The following WDR89 variants were observed in gnomAD, a reference collection of about 807,000 sequenced individuals.
WDR89 encodes WD repeat-containing protein 89.
A neutral mutation model predicts 29.1 loss-of-function variants in WDR89; 17 were observed. The ratio of observed to expected loss-of-function variants is 0.58; its 90% confidence interval spans 0.40 to 0.88. WDR89 has a LOEUF of 0.88. Ranked by LOEUF, WDR89 falls within the 40% of genes least tolerant of loss-of-function variation. The probability of loss-of-function intolerance (pLI) is 0.00; values close to 1 mark genes in which losing one functional copy is unlikely to be tolerated. For missense variants in WDR89, 396 were observed against 456.3 expected (o/e 0.87, Z 1.20); for synonymous variants, 138 against 157.8 (o/e 0.87, Z 0.94).
At chr14:63,624,664 C>T (rs1566797582) in intron 2 of WDR89, among the ~76,000 whole-genome samples, 2 of 151,970 alleles carry the variant, frequency 1.3e-5, no homozygotes, top group Admixed American at 6.6e-5. Flanking sequence ...AATATTTGAA[C>T]AGACACTTCA....
chr14:63,610,231 A>AC (rs1306809418), intron 2 of WDR89, among the ~76,000 whole-genome samples: 1 of 151,090 alleles, frequency 6.6e-6, no homozygotes, highest in Non-Finnish European at 1.5e-5. Context: ...AAAAAAAAAA[A>AC]AAAAAAAAAA....
chr14:63,608,666 G>GCACACACACACACACA (rs57605983), intron 2 of WDR89, among the ~76,000 whole-genome samples: 41 of 144,752 alleles, frequency 2.8e-4, no homozygotes, highest in South Asian at 1.3e-3. Context: ...TGTGGTGCAT[G>GCACACACACACACACA]CACACACACA....
At chr14:63,614,307 TTTTC>T (rs1171812516) in intron 2 of WDR89, among the ~76,000 whole-genome samples, 27 of 151,546 alleles carry the variant, frequency 1.8e-4, no homozygotes, top group Non-Finnish European at 8.8e-5. Flanking sequence ...TCTTTTCTTT[TTTTC>T]TTTTTTTTTT....
chr14:63,598,720 TA>T lies in WDR89; in HGVS notation c.*58del. The T allele has an allele frequency of 6.9e-7, 1 of 1,439,734 alleles. No individual in the cohort carries two copies. The highest frequency in any genetic ancestry group is 9.2e-7 in the Non-Finnish European group (1 of 1,083,424). 89.2% of individuals were successfully genotyped at this position (1,439,734 alleles called of 1,614,324 possible). A position where few individuals can be genotyped will look rare whatever the true frequency, so the allele number is the denominator to read the frequency against. On this transcript the variant is annotated 3_prime_UTR_variant, in exon 3 of 3. Transcript: ENST00000620954. ...CTTTAAACATGTCTACCATGGGTAG[TA>T]AACAAGAAGGACTATTTGAAACTAT...
intron 1 of WDR89, among the ~76,000 whole-genome samples, chr14:63,627,142 A>ACT (rs1409114294): frequency 4.6e-5 from 6 of 130,032 alleles, no homozygotes; most frequent in Non-Finnish European, 8.0e-5. Context: ...ACACACACAC[A>ACT]CACACACACT....
chr14:63,633,557 A>G (rs1471747629), intron 1 of WDR89, among the ~76,000 whole-genome samples: 1 of 152,224 alleles, frequency 6.6e-6, no homozygotes, highest in Admixed American at 6.5e-5. Flanking sequence ...AATTTTCCAA[A>G]TTAGGAGACC....
chr14:63,637,311 G>C (rs1298762846), intron 1 of WDR89, among the ~76,000 whole-genome samples: 1 of 152,206 alleles, frequency 6.6e-6, no homozygotes, highest in African/African-American at 2.4e-5. Flanking sequence ...CGCACTGCTG[G>C]TGGGAATGTA....
chr14:63,631,721 C>T (rs551902818), intron 1 of WDR89, among the ~76,000 whole-genome samples: 8 of 152,180 alleles, frequency 5.3e-5, no homozygotes, highest in African/African-American at 1.9e-4. Context: ...ATTAGTGAAG[C>T]TTGGCACTGA....
intron 1 of WDR89, among the ~76,000 whole-genome samples, chr14:63,627,727 T>C (rs1883160091): frequency 6.6e-6 from 1 of 152,128 alleles, no homozygotes; most frequent in African/African-American, 2.4e-5. Context: ...TCTATGTCTT[T>C]CAGTGTCTTA....
In WDR89 at chr14:63,599,243, A is replaced by T; in HGVS notation, c.700T>A (p.Cys234Ser). 2 of 1,608,620 alleles carry T rather than the reference A, an allele frequency of 1.2e-6. No individual in the cohort carries two copies. Among genetic ancestry groups the T allele is most frequent in the Non-Finnish European group, 1.7e-6 (2 of 1,176,422 alleles). Residue 234 changes from cysteine to serine, a missense_variant, in exon 3 of 3, where the codon TGC (cysteine) becomes AGC (serine). Coordinates refer to ENST00000620954, the MANE Select transcript of WDR89 (RefSeq NM_080666.4). ...TAAAATCCTTCATCATGTGTCATGC[A>T]GTAAATCTGTTTATAACCTTTCCCA... The part of the protein sequence containing the change: ...WSGKGYKQIY[C>S]MTHDEGFYWW...
intron 2 of WDR89, among the ~76,000 whole-genome samples, chr14:63,605,111 T>A (rs1895250170): frequency 6.6e-6 from 1 of 151,972 alleles, no homozygotes; most frequent in African/African-American, 2.4e-5. Context: ...ATTGCACCAC[T>A]GCACTTCAGC....
intron 1 of WDR89, among the ~76,000 whole-genome samples, chr14:63,625,731 T>C (rs1440373559): frequency 6.6e-6 from 1 of 152,198 alleles, no homozygotes; most frequent in Non-Finnish European, 1.5e-5. Flanking sequence ...GACCTTACAG[T>C]AGTTATATTT....
chr14:63,615,919 G>C (rs1255250568), intron 2 of WDR89, among the ~76,000 whole-genome samples: 6 of 130,474 alleles, frequency 4.6e-5, no homozygotes, highest in Non-Finnish European at 9.3e-5. Context: ...GCAAGACCCT[G>C]TCTTTAAAAA....
At position 63,598,330 on chromosome 14, in the gene WDR89, A is replaced by G. The variant is rs1000046216; in HGVS notation, c.*449T>C. 2 of 152,984 alleles carry G rather than the reference A, an allele frequency of 1.3e-5. No individual in the cohort carries two copies. Among genetic ancestry groups the G allele is most frequent in the African/African-American group, 4.8e-5 (2 of 41,496 alleles). 9.5% of individuals were successfully genotyped at this position (152,984 alleles called of 1,614,324 possible). On this transcript the variant is annotated 3_prime_UTR_variant, in exon 3 of 3. Coordinates refer to ENST00000620954, the MANE Select transcript of WDR89 (RefSeq NM_080666.4). ...TACTTACATTTAAATACTCCAGCATAATACATTAGGTGTATTAAACATATA... is the reference window on the plus strand; with the variant it reads ...TACTTACATTTAAATACTCCAGCATGATACATTAGGTGTATTAAACATATA...
chr14:63,636,370 C>T (rs937349438), intron 1 of WDR89, among the ~76,000 whole-genome samples: 42 of 152,068 alleles, frequency 2.8e-4, no homozygotes, highest in South Asian at 2.1e-4. Flanking sequence ...AATGCAATCC[C>T]CATCAAAATA....
At chr14:63,612,098 C>G (rs748222003) in intron 2 of WDR89, among the ~76,000 whole-genome samples, 2 of 152,004 alleles carry the variant, frequency 1.3e-5, no homozygotes. Flanking sequence ...TACTAACACA[C>G]TAGGAATGTC....
chr14:63,618,013 C>T (rs1882427103), intron 2 of WDR89: 1 of 152,120 alleles, frequency 6.6e-6, no homozygotes, highest in Admixed American at 6.6e-5. Context: ...TGATTATGCT[C>T]AGATGCATAC....
intron 2 of WDR89, among the ~76,000 whole-genome samples, chr14:63,622,538 G>GC (rs1317814595): frequency 6.6e-6 from 1 of 152,112 alleles, no homozygotes; most frequent in East Asian, 1.9e-4. Flanking sequence ...CCGAGACCAT[G>GC]CCATTGCACT....
chr14:63,628,192 T>G (rs1469478573), intron 1 of WDR89, among the ~76,000 whole-genome samples: 1 of 152,148 alleles, frequency 6.6e-6, no homozygotes, highest in Non-Finnish European at 1.5e-5. Flanking sequence ...ATCAATCAGG[T>G]GAACCATGAT....
Sources: allele counts gnomAD v4.1 joint callset (sites outside exome capture counted in the v4.1 genomes callset), GRCh38; gene constraint gnomAD v4.1.1; transcripts MANE v1.5; gene names NCBI Gene and HGNC (gene_info 2026-07-23, HGNC 2026-07-21).